The following TSPAN1 variants were observed in gnomAD, a reference collection of about 807,000 sequenced individuals.
TSPAN1 encodes the protein tetraspanin 1, also known as tetraspanin-1.
TSPAN1 carries 23 observed loss-of-function variants against 26.9 expected under a neutral mutation model. The observed-to-expected ratio is 0.85, with a 90% CI of 0.62 to 1.21. The LOEUF (loss-of-function observed/expected upper bound fraction) is 1.21, where lower values mean the gene tolerates loss of function less well. Among genes scored for constraint, TSPAN1 ranks in the 50% most tolerant of loss-of-function variants. The pLI, the probability that TSPAN1 is intolerant of heterozygous loss-of-function variation, is 0.00. For missense variants in TSPAN1, 283 were observed against 298.4 expected (o/e 0.95, Z 0.38); for synonymous variants, 115 against 114.8 (o/e 1.00, Z -0.01).
In TSPAN1 at chr1:46,181,107, C is replaced by A; in HGVS notation, c.-1C>A. 6.2e-7 allele frequency: 1 copy of A among 1,613,896 alleles called. No homozygotes were observed. Among genetic ancestry groups the A allele is most frequent in the Middle Eastern group, 1.7e-4 (1 of 6,034 alleles). ...CACATGTCTACCTCCCAGGAGCCAC[C>A]ATGCAGTGCTTCAGCTTCATTAAGA... On this transcript the variant is annotated 5_prime_UTR_variant, in exon 3 of 9. Transcript: ENST00000372003.
At chr1:46,188,646 AC>A, downstream of TSPAN1, 2 of 1,544,902 alleles carry the variant, frequency 1.3e-6, no homozygotes, top group Non-Finnish European at 8.7e-7. Context: ...TCCCTCCAGC[AC>A]CCCCCTGACA....
chr1:46,185,009 A>C lies in TSPAN1; in HGVS notation c.488A>C (p.Tyr163Ser). 2 of 1,614,128 alleles carry C rather than the reference A, an allele frequency of 1.2e-6. No individual in the cohort carries two copies. Among genetic ancestry groups the C allele is most frequent in the South Asian group, 1.1e-5 (1 of 91,078 alleles). Reference sequence around the variant, plus strand: ...TATACGGATTTTGAGGACTCACCCTACTTCAAAGAGAACAGTGCCTTTCCC... The same window carrying C: ...TATACGGATTTTGAGGACTCACCCTCCTTCAAAGAGAACAGTGCCTTTCCC... ...TNYTDFEDSPYFKENSAFPPF... is the reference protein window; with the variant it reads ...TNYTDFEDSPSFKENSAFPPF... Residue 163 changes from tyrosine (Y) to serine (S), a missense_variant, in exon 7 of 9, where the codon TAC becomes TCC. Physicochemically the swap from Tyr to Ser is moderately radical, Grantham distance 144. Coordinates refer to ENST00000372003, the MANE Select transcript of TSPAN1 (RefSeq NM_005727.4).
chr1:46,186,488 C>CTTTTTTTTTT (rs751253861), downstream of TSPAN1, among the ~76,000 whole-genome samples: 28 of 130,082 alleles, frequency 2.2e-4, no homozygotes, highest in Non-Finnish European at 3.2e-4. Context: ...CTTTTCTTTT[C>CTTTTTTTTTT]TTTTTTTTTT....
At chr1:46,195,938 T>C in the TSPAN1 span, 2 of 1,614,124 alleles carry the variant, frequency 1.2e-6, no homozygotes, top group Non-Finnish European at 1.7e-6. Flanking sequence ...GCAGGGGATA[T>C]ACTTCTGGTG....
chr1:46,192,406 G>C, the TSPAN1 span: 2 of 1,614,086 alleles, frequency 1.2e-6, no homozygotes, highest in African/African-American at 1.3e-5. Context: ...CGGTACAGTA[G>C]TGCTGGGTCC....
downstream of TSPAN1, among the ~76,000 whole-genome samples, chr1:46,188,266 G>A (rs1657483781): frequency 6.6e-6 from 1 of 152,164 alleles, no homozygotes; most frequent in Admixed American, 6.5e-5. Flanking sequence ...AATGATGCCT[G>A]CCCAGTCCTG....
At chr1:46,186,666 T>G (rs1425802460), downstream of TSPAN1, among the ~76,000 whole-genome samples, 23 of 135,474 alleles carry the variant, frequency 1.7e-4, no homozygotes, top group South Asian at 1.3e-3. Flanking sequence ...ATTTTTGTGT[T>G]TTTTTTTTTT....
intron 5 of TSPAN1, 30 bp downstream of exon 5, chr1:46,184,698 A>G (rs1657388958): frequency 1.2e-6 from 2 of 1,613,990 alleles, no homozygotes; most frequent in Admixed American, 1.7e-5. Context: ...GAAGGGAAGA[A>G]GATTGGGCAA....
downstream of TSPAN1, among the ~76,000 whole-genome samples, chr1:46,186,173 G>A (rs946694764): frequency 6.6e-6 from 1 of 152,172 alleles, no homozygotes; most frequent in African/African-American, 2.4e-5. Flanking sequence ...GTTGGGTTAG[G>A]CCAGTCTGCC....
intron 1 of TSPAN1, chr1:46,176,413 C>T (rs1372404054): frequency 5.9e-6 from 9 of 1,535,734 alleles, no homozygotes; most frequent in African/African-American, 1.4e-5. Context: ...ACCTGGCCTG[C>T]GGTAGGGGGA....
the TSPAN1 span, chr1:46,194,304 G>A: frequency 6.2e-7 from 1 of 1,614,212 alleles, no homozygotes; most frequent in Admixed American, 1.7e-5. Flanking sequence ...TGGGTGTGGG[G>A]TCCTTGCAGC....
the TSPAN1 span, chr1:46,193,397 C>T: frequency 3.1e-6 from 5 of 1,610,626 alleles, no homozygotes; most frequent in Non-Finnish European, 4.2e-6. Flanking sequence ...TCCTGGGGGA[C>T]ATGGCCACTG....
chr1:46,195,616 A>G, the TSPAN1 span: 1 of 662,932 alleles, frequency 1.5e-6, no homozygotes, highest in African/African-American at 1.8e-5. Context: ...CAGCACCCAG[A>G]GAAGTACCTG....
At chr1:46,192,326 C>G in the TSPAN1 span, 2 of 1,614,180 alleles carry the variant, frequency 1.2e-6, no homozygotes, top group Admixed American at 3.3e-5. Flanking sequence ...GTGTAGGCCA[C>G]TTGGGCTCAA....
At chr1:46,189,515 C>T (rs764271873), downstream of TSPAN1, 4 of 1,613,644 alleles carry the variant, frequency 2.5e-6, no homozygotes, top group South Asian at 4.4e-5. Context: ...CCGAAACAAT[C>T]TCCACAGGCC....
rs71062743 is a variant in TSPAN1 at position 46,182,304 on chromosome 1, C to CAAAAAAAAAAAAAAACAAAAAAAAAAAAA, written c.57+1153_57+1154insAACAAAAAAAAAAAAAAAAAAAAAAAAAA. On this transcript the variant is annotated intron_variant, in intron 3 of 8. Transcript: ENST00000372003. ...GGAAACCCAATTTATTAGGGATAAG[C>CAAAAAAAAAAAAAAACAAAAAAAAAAAAA]AAAAAAAAAAAAAGCCACTGTGAAG... Among the ~76,000 whole-genome samples, 2 of 30,162 alleles carry CAAAAAAAAAAAAAAACAAAAAAAAAAAAA rather than the reference C, an allele frequency of 6.6e-5. 1 individual carries two copies. Among genetic ancestry groups the CAAAAAAAAAAAAAAACAAAAAAAAAAAAA allele is most frequent in the Non-Finnish European group, 1.2e-4 (2 of 16,152 alleles). 19.8% of individuals were successfully genotyped at this position (30,162 alleles called of 152,430 possible).
downstream of TSPAN1, among the ~76,000 whole-genome samples, chr1:46,186,664 G>GT (rs759573351): frequency 0.36 from 25,795 of 71,810 alleles, 5,401 homozygotes; most frequent in East Asian, 0.51. Flanking sequence ...TAATTTTTGT[G>GT]TTTTTTTTTT....
chr1:46,195,039 G>C, the TSPAN1 span: 1 of 1,290,468 alleles, frequency 7.7e-7, no homozygotes, highest in Non-Finnish European at 1.1e-6. Context: ...GAACTATGTA[G>C]CAACCTTTTA....
chr1:46,193,140 T>A, the TSPAN1 span: 4 of 1,613,750 alleles, frequency 2.5e-6, no homozygotes, highest in Non-Finnish European at 3.4e-6. Context: ...GTTTCCCCCC[T>A]CCCAGGCCCA....
Sources: allele counts gnomAD v4.1 joint callset (sites outside exome capture counted in the v4.1 genomes callset), GRCh38; gene constraint gnomAD v4.1.1; transcripts MANE v1.5; gene names NCBI Gene and HGNC (gene_info 2026-07-23, HGNC 2026-07-21).